The following IQGAP2 variants were observed in gnomAD, a reference collection of about 807,000 sequenced individuals.
IQGAP2 encodes the protein ras GTPase-activating-like protein IQGAP2.
Under a neutral mutation model 201.3 loss-of-function variants are expected in IQGAP2, and 173 were observed. The observed-to-expected ratio is 0.86, with a 90% CI of 0.76 to 0.98. IQGAP2 has a LOEUF of 0.98. Among genes scored for constraint, IQGAP2 ranks in the 50% least tolerant of loss-of-function variants. The pLI, the probability that IQGAP2 is intolerant of heterozygous loss-of-function variation, is 0.00. For synonymous variants in IQGAP2, 675 were observed against 673.9 expected (o/e 1.00, Z -0.03); for missense variants, 1,687 against 1,864.8 (o/e 0.90, Z 1.76).
intron 17 of IQGAP2, among the ~76,000 whole-genome samples, chr5:76,651,392 C>T (rs556128301): frequency 1.3e-5 from 2 of 152,242 alleles, no homozygotes; most frequent in Admixed American, 1.3e-4. Context: ...TGCTTGAGTC[C>T]AGGAATTCAA....
At chr5:76,662,031 G>A (rs895661668) in intron 21 of IQGAP2, among the ~76,000 whole-genome samples, 1 of 152,192 alleles carries the variant, frequency 6.6e-6, no homozygotes, top group African/African-American at 2.4e-5. Flanking sequence ...CAGGAAAAGT[G>A]AGTTTTGATG....
chr5:76,448,490 T>C (rs1010684693), intron 1 of IQGAP2, among the ~76,000 whole-genome samples: 27 of 152,174 alleles, frequency 1.8e-4, no homozygotes, highest in African/African-American at 6.3e-4. Flanking sequence ...AAAGGAAGGC[T>C]GGCTTGGGAT....
chr5:76,578,077 A>G (rs969627673), intron 5 of IQGAP2, among the ~76,000 whole-genome samples: 1 of 152,044 alleles, frequency 6.6e-6, no homozygotes, highest in Non-Finnish European at 1.5e-5. Flanking sequence ...GGGCTTAACA[A>G]CCTAACTTCT....
intron 5 of IQGAP2, among the ~76,000 whole-genome samples, chr5:76,586,707 C>T (rs1380948917): frequency 6.6e-6 from 1 of 152,150 alleles, no homozygotes; most frequent in Non-Finnish European, 1.5e-5. Flanking sequence ...TCAGATTGAC[C>T]CACCTGTCAT....
intron 4 of IQGAP2, among the ~76,000 whole-genome samples, chr5:76,570,903 G>T (rs1336057554): frequency 6.6e-6 from 1 of 152,148 alleles, no homozygotes; most frequent in Non-Finnish European, 1.5e-5. Flanking sequence ...AGCTATAGCT[G>T]GTAGATAGGT....
At chr5:76,663,173 G>C (rs538796951) in intron 21 of IQGAP2, among the ~76,000 whole-genome samples, 3 of 152,186 alleles carry the variant, frequency 2.0e-5, no homozygotes, top group Non-Finnish European at 2.9e-5. Flanking sequence ...GCCCATGTCC[G>C]CTTGTGAAAA....
At chr5:76,604,280 C>T (rs1358799142) in intron 11 of IQGAP2, among the ~76,000 whole-genome samples, 1 of 151,370 alleles carries the variant, frequency 6.6e-6, no homozygotes, top group Non-Finnish European at 1.5e-5. Context: ...TTTCCAGCTT[C>T]ATCCATGTCC....
intron 28 of IQGAP2, among the ~76,000 whole-genome samples, chr5:76,679,676 G>C (rs112500780): frequency 0.024 from 3,700 of 152,256 alleles, 165 homozygotes; most frequent in African/African-American, 0.083. Flanking sequence ...CATCAGAGAA[G>C]AAGAACATAA....
chr5:76,643,720 T>C (rs368970344), intron 17 of IQGAP2, among the ~76,000 whole-genome samples: 11 of 152,084 alleles, frequency 7.2e-5, no homozygotes, highest in Non-Finnish European at 1.2e-4. Flanking sequence ...ACACCAAAAC[T>C]TAGCCCTGAG....
intron 16 of IQGAP2, among the ~76,000 whole-genome samples, chr5:76,637,516 G>A (rs551917786): frequency 6.6e-6 from 1 of 152,250 alleles, no homozygotes; most frequent in Non-Finnish European, 1.5e-5. Flanking sequence ...TATTTAAAAG[G>A]TATTTCTTTC....
intron 2 of IQGAP2, among the ~76,000 whole-genome samples, chr5:76,466,896 A>G (rs1019749404): frequency 2.6e-5 from 4 of 152,242 alleles, no homozygotes; most frequent in Non-Finnish European, 5.9e-5. Context: ...AAGAGATACC[A>G]TCAAGAAAGT....
intron 20 of IQGAP2, among the ~76,000 whole-genome samples, chr5:76,656,262 G>A (rs1257694902): frequency 6.7e-6 from 1 of 150,264 alleles, no homozygotes; most frequent in African/African-American, 2.5e-5. Flanking sequence ...TCGCTCTTTC[G>A]CCCAGGCAGG....
intron 10 of IQGAP2, among the ~76,000 whole-genome samples, chr5:76,598,449 A>G (rs1747189532): frequency 6.6e-6 from 1 of 152,198 alleles, no homozygotes; most frequent in African/African-American, 2.4e-5. Flanking sequence ...CAAGAACTAT[A>G]CAAATGACAA....
At chr5:76,536,714 T>C (rs7713954) in intron 2 of IQGAP2, among the ~76,000 whole-genome samples, 80,532 of 150,768 alleles carry the variant, frequency 0.53, 22,032 homozygotes, top group South Asian at 0.75. Flanking sequence ...GAGCCAAGAT[T>C]GTGCCATTGC....
intron 3 of IQGAP2, among the ~76,000 whole-genome samples, chr5:76,570,102 T>C (rs1426413027): frequency 6.6e-6 from 1 of 152,242 alleles, no homozygotes; most frequent in Non-Finnish European, 1.5e-5. Context: ...TGTATTTTGC[T>C]ATATTTTCCT....
chr5:76,603,201 AGGAACTT>A (rs899034053), intron 11 of IQGAP2, among the ~76,000 whole-genome samples: 101 of 152,274 alleles, frequency 6.6e-4, no homozygotes, highest in Middle Eastern at 3.4e-3. Flanking sequence ...TCTCACCATC[AGGAACTT>A]GGTGCCTTTA....
At chr5:76,618,309 G>C (rs1329569759) in intron 13 of IQGAP2, 2 of 1,614,230 alleles carry the variant, frequency 1.2e-6, no homozygotes, top group African/African-American at 2.7e-5. Flanking sequence ...GGCCAGGTTG[G>C]TGTAGAATAC....
rs1435081505 is a variant in IQGAP2, at chr5:76,698,053, C to G, written c.4273C>G (p.Leu1425Val). The G allele has an allele frequency of 6.2e-7, 1 of 1,612,848 alleles. No individual in the cohort carries two copies. Reference sequence around the variant, plus strand: ...TGAATTGGCAAAACTTCAGCAGACCCTGAATGCACTTAACAAGAAGGCAGC... The same window carrying G: ...TGAATTGGCAAAACTTCAGCAGACCGTGAATGCACTTAACAAGAAGGCAGC... ...KAELAKLQQTLNALNKKAAFY... is the reference protein window; with the variant it reads ...KAELAKLQQTVNALNKKAAFY... The change falls in exon 33 of 36, where the codon CTG (leucine) becomes GTG (valine). Residue 1425 changes from leucine (L) to valine (V), a missense_variant. By Grantham distance (32) the Leu-to-Val change is conservative (BLOSUM62 1). Coordinates refer to ENST00000274364, the MANE Select transcript of IQGAP2 (RefSeq NM_006633.5).
intron 1 of IQGAP2, among the ~76,000 whole-genome samples, chr5:76,445,406 G>A (rs1753316841): frequency 6.6e-6 from 1 of 151,792 alleles, no homozygotes. Flanking sequence ...ATAGCACCTG[G>A]CATATAGAAC....
Sources: allele counts gnomAD v4.1 joint callset (sites outside exome capture counted in the v4.1 genomes callset), GRCh38; gene constraint gnomAD v4.1.1; transcripts MANE v1.5; gene names NCBI Gene and HGNC (gene_info 2026-07-23, HGNC 2026-07-21).